Variants in EMCN observed in about 807,000 individuals in gnomAD.
The protein encoded by EMCN is MUC-14.
In EMCN, 37 loss-of-function variants were observed where a neutral mutation model predicts 38.4. The ratio of observed to expected loss-of-function variants is 0.96; its 90% CI spans 0.74 to 1.27. The LOEUF (loss-of-function observed/expected upper bound fraction) is 1.27. Ranked by LOEUF, EMCN falls within the 50% of genes most tolerant of loss-of-function variation. EMCN has a pLI of 0.00. For synonymous variants in EMCN, 95 were observed against 100.8 expected (o/e 0.94, Z 0.35); for missense variants, 318 against 302.8 (o/e 1.05, Z -0.37).
intron 3 of EMCN, among the ~76,000 whole-genome samples, chr4:100,471,001 AT>A (rs1223505507): frequency 6.6e-6 from 1 of 152,032 alleles, no homozygotes; most frequent in Admixed American, 6.6e-5. Context: ...AACAAGAAGA[AT>A]AATCTCAATC....
At chr4:100,417,060 T>C (rs3733437) in intron 9 of EMCN, 57 bp downstream of exon 9, 900,055 of 1,546,064 alleles carry the variant, frequency 0.58, 277,696 homozygotes, top group Non-Finnish European at 0.64. Flanking sequence ...AGAGTAACAA[T>C]AATTTTCACT....
intron 11 of EMCN, among the ~76,000 whole-genome samples, chr4:100,408,796 A>G (rs1203492227): frequency 1.3e-5 from 2 of 152,178 alleles, no homozygotes; most frequent in Non-Finnish European, 2.9e-5. Flanking sequence ...GCCACTGCCA[A>G]TTAGAATAAT....
At chr4:100,409,841 T>C (rs573994206) in intron 11 of EMCN, among the ~76,000 whole-genome samples, 1 of 152,368 alleles carries the variant, frequency 6.6e-6, no homozygotes, top group South Asian at 2.1e-4. Flanking sequence ...ACGGCTGTGA[T>C]ACACATCTTT....
chr4:100,445,866 A>G (rs1167978158), intron 5 of EMCN, among the ~76,000 whole-genome samples: 1 of 152,188 alleles, frequency 6.6e-6, no homozygotes, highest in Non-Finnish European at 1.5e-5. Context: ...AGTGGCTTAT[A>G]GGACCAGTCT....
chr4:100,490,808 A>G (rs1308228876), intron 1 of EMCN, among the ~76,000 whole-genome samples: 2 of 152,204 alleles, frequency 1.3e-5, no homozygotes, highest in African/African-American at 4.8e-5. Flanking sequence ...CGTTTTCTCT[A>G]CATCCTATCT....
chr4:100,454,182 A>T (rs1476570002), intron 4 of EMCN, among the ~76,000 whole-genome samples: 1 of 151,802 alleles, frequency 6.6e-6, no homozygotes, highest in African/African-American at 2.4e-5. Flanking sequence ...ATAATAATAA[A>T]AAAATTAAAA....
chr4:100,404,782 G>A (rs1726348483), intron 11 of EMCN, among the ~76,000 whole-genome samples: 1 of 152,012 alleles, frequency 6.6e-6, no homozygotes, highest in South Asian at 2.1e-4. Context: ...GAATAACATT[G>A]ATTCTGTAGA....
intron 1 of EMCN, among the ~76,000 whole-genome samples, chr4:100,483,010 G>A (rs573390273): frequency 1.3e-5 from 2 of 152,166 alleles, no homozygotes; most frequent in East Asian, 3.9e-4. Context: ...GATTTCCCCT[G>A]AGTCAAACTT....
At chr4:100,412,576 C>A (rs1726594569) in intron 10 of EMCN, among the ~76,000 whole-genome samples, 1 of 152,094 alleles carries the variant, frequency 6.6e-6, no homozygotes. Context: ...AAATGCATGT[C>A]ACACATACAT....
chr4:100,419,319 A>T (rs928992181), intron 8 of EMCN, among the ~76,000 whole-genome samples: 3 of 152,120 alleles, frequency 2.0e-5, no homozygotes, highest in Non-Finnish European at 4.4e-5. Context: ...TTGAAGAGTG[A>T]TTAACTGCAG....
At chr4:100,483,337 A>G (rs919339424) in intron 1 of EMCN, 5 of 152,126 alleles carry the variant, frequency 3.3e-5, no homozygotes, top group African/African-American at 1.2e-4. Context: ...ATTCTTAACC[A>G]TCACACATCT....
At chr4:100,428,711 C>T (rs190142746) in intron 5 of EMCN, among the ~76,000 whole-genome samples, 2 of 152,202 alleles carry the variant, frequency 1.3e-5, no homozygotes, top group Admixed American at 6.6e-5. Flanking sequence ...ATCTTAACAT[C>T]GGGATTGGCA....
rs55672135 is a variant in EMCN at position 100,481,145 on chromosome 4, G to A, written c.65-1106C>T. Among the ~76,000 whole-genome samples the A allele has an allele frequency of 3.6e-3, 552 of 152,188 alleles. 5 individuals are homozygous for A. Among genetic ancestry groups the A allele is most frequent in the African/African-American group, 0.012 (499 of 41,548 alleles). Reference sequence around the variant, plus strand: ...TGGATAGAGTATATATACCATGTTAGTTAAGAGGATGGACTTTGAATAATA... The same window carrying A: ...TGGATAGAGTATATATACCATGTTAATTAAGAGGATGGACTTTGAATAATA... On this transcript the variant is annotated intron_variant, in intron 1 of 11. Transcript: ENST00000296420.
chr4:100,423,697 A>G (rs1177760444), intron 5 of EMCN, among the ~76,000 whole-genome samples: 1 of 152,150 alleles, frequency 6.6e-6, no homozygotes, highest in Non-Finnish European at 1.5e-5. Context: ...CCTACTGCAT[A>G]AGATTCTTGT....
chr4:100,436,894 G>A (rs925223574), intron 5 of EMCN, among the ~76,000 whole-genome samples: 6 of 152,136 alleles, frequency 3.9e-5, no homozygotes, highest in African/African-American at 1.4e-4. Context: ...GGAAGAGAGA[G>A]CATTAGGAGT....
chr4:100,453,467 A>G (rs1282291287), intron 4 of EMCN, among the ~76,000 whole-genome samples: 3 of 152,218 alleles, frequency 2.0e-5, no homozygotes, highest in Non-Finnish European at 2.9e-5. Context: ...GAAAACCACA[A>G]TGAGATACCA....
chr4:100,402,239 TA>T (rs1726278988), intron 11 of EMCN, among the ~76,000 whole-genome samples: 1 of 152,130 alleles, frequency 6.6e-6, no homozygotes, highest in Non-Finnish European at 1.5e-5. Flanking sequence ...ACATTAAACA[TA>T]ATACTGTGCA....
At chr4:100,476,834 C>A (rs573543027) in intron 2 of EMCN, among the ~76,000 whole-genome samples, 1 of 152,224 alleles carries the variant, frequency 6.6e-6, no homozygotes, top group Admixed American at 6.5e-5. Context: ...ACAAAGATAT[C>A]CCAGGCACTT....
At chr4:100,480,585 C>CAT (rs60583065) in intron 1 of EMCN, among the ~76,000 whole-genome samples, 2 of 151,178 alleles carry the variant, frequency 1.3e-5, no homozygotes, top group African/African-American at 2.4e-5. Flanking sequence ...TATACACACA[C>CAT]ATATATATAC....
Sources: gnomAD v4.1 joint callset for allele counts (sites outside exome capture counted in the v4.1 genomes callset) on GRCh38, gnomAD v4.1.1 for gene constraint, MANE v1.5 for transcripts, NCBI Gene and HGNC (gene_info 2026-07-23, HGNC 2026-07-21) for gene names.